Variants in NRDE2 observed in about 807,000 individuals in gnomAD.
NRDE2 encodes the protein NRDE-2, necessary for RNA interference, domain containing, also known as nuclear exosome regulator NRDE2.
In NRDE2, 76 loss-of-function variants were observed where a neutral mutation model predicts 124.2. That is an observed-to-expected ratio of 0.61 (90% CI 0.51 to 0.74). NRDE2 has a LOEUF of 0.74. Among genes scored for constraint, NRDE2 ranks in the 30% least tolerant of loss-of-function variants. The pLI, the probability that NRDE2 is intolerant of heterozygous loss-of-function variation, is 0.00. For missense variants in NRDE2, 1,314 were observed against 1,417.3 expected (o/e 0.93, Z 1.17); for synonymous variants, 489 against 528.1 (o/e 0.93, Z 1.01).
At chr14:90,300,903 G>A in intron 7 of NRDE2, among the ~76,000 whole-genome samples, 1 of 124,462 alleles carries the variant, frequency 8.0e-6, no homozygotes, top group Non-Finnish European at 1.7e-5. Context: ...AGGGGAAGGG[G>A]GCAGGGAAAG....
intron 2 of NRDE2, 102 bp downstream of exon 2, chr14:90,317,903 T>G: frequency 1.3e-6 from 1 of 755,110 alleles, no homozygotes; most frequent in Non-Finnish European, 2.2e-6. Context: ...GTAAGAGTTT[T>G]ACATACCTCT....
intron 7 of NRDE2, 89 bp from the exon 8 acceptor site, chr14:90,298,469 A>C (rs993667404): frequency 2.3e-6 from 3 of 1,283,532 alleles, no homozygotes; most frequent in African/African-American, 2.9e-5. Flanking sequence ...ATATAAGAGA[A>C]GCTTATGATC....
intron 7 of NRDE2, among the ~76,000 whole-genome samples, chr14:90,300,322 A>G (rs1261787400): frequency 1.3e-5 from 2 of 152,228 alleles, no homozygotes; most frequent in African/African-American, 4.8e-5. Context: ...TTTAACTGGT[A>G]TAATTCTTTA....
chr14:90,314,228 C>A (rs1002753790), intron 3 of NRDE2, among the ~76,000 whole-genome samples: 1 of 152,152 alleles, frequency 6.6e-6, no homozygotes, highest in South Asian at 2.1e-4. Flanking sequence ...TTGTCATCAC[C>A]CTGAAACAGA....
chr14:90,302,690 C>A, intron 6 of NRDE2, 30 bp downstream of exon 6: 1 of 1,527,410 alleles, frequency 6.5e-7, no homozygotes. Context: ...CTAACTCCTC[C>A]CACGTAACTG....
At chr14:90,302,104 G>A (rs992198619) in intron 6 of NRDE2, among the ~76,000 whole-genome samples, 3 of 152,190 alleles carry the variant, frequency 2.0e-5, no homozygotes, top group Admixed American at 1.3e-4. Context: ...GTCCTGTAAA[G>A]CAGGTTTATA....
chr14:90,302,584 A>G lies in NRDE2; in HGVS notation c.1411+136T>C. The G allele has an allele frequency of 6.0e-6, 6 of 1,005,156 alleles. No homozygotes were observed. In the South Asian group the frequency reaches 1.1e-4, roughly 19 times the overall value. The allele number at this position is 1,005,156 out of a possible 1,614,324, so 62.3% of individuals were successfully genotyped here. A position where few individuals can be genotyped will look rare whatever the true frequency, so the allele number is the denominator to read the frequency against. ...ATTTGTTATCAAAAAGAGTCGTAAT[A>G]CTTTTTTAAAAAAATCAGTTCTATC... On this transcript the variant is annotated intron_variant, in intron 6 of 13. Coordinates refer to ENST00000354366, the MANE Select transcript of NRDE2 (RefSeq NM_017970.4).
intron 4 of NRDE2, among the ~76,000 whole-genome samples, chr14:90,308,972 G>A (rs1000210662): frequency 1.3e-5 from 2 of 152,130 alleles, no homozygotes; most frequent in African/African-American, 4.8e-5. Context: ...GCCGGGCGTG[G>A]TGGCTCATGC....
At position 90,274,164 on chromosome 14, in the gene NRDE2, G is replaced by C. The variant is rs1430419940; in HGVS notation, c.*4172C>G. The C allele has an allele frequency of 2.6e-5, 4 of 155,266 alleles. No homozygotes were observed. The highest frequency in any genetic ancestry group is 7.2e-5 in the African/African-American group (3 of 41,488). 9.6% of individuals were successfully genotyped at this position (155,266 alleles called of 1,614,324 possible). ...GGGAGGGCGGGTGTCAGCCCAAGTA[G>C]GGTGTGGAGCTGTCCATGTGGAGGA... On this transcript the variant is annotated 3_prime_UTR_variant, in exon 14 of 14. Coordinates refer to ENST00000354366, the MANE Select transcript of NRDE2 (RefSeq NM_017970.4).
chr14:90,322,135 C>T (rs1484031084), intron 1 of NRDE2, among the ~76,000 whole-genome samples: 2 of 152,186 alleles, frequency 1.3e-5, no homozygotes, highest in Non-Finnish European at 2.9e-5. Context: ...AATTAGTACA[C>T]GGGGCTCTTA....
intron 12 of NRDE2, chr14:90,280,765 T>A (rs1414114850): frequency 6.6e-6 from 1 of 152,324 alleles, no homozygotes; most frequent in African/African-American, 2.4e-5. Flanking sequence ...TCCTTTCTCA[T>A]CTTCTGAACT....
chr14:90,323,128 A>T (rs1440560549), intron 1 of NRDE2, among the ~76,000 whole-genome samples: 1 of 152,234 alleles, frequency 6.6e-6, no homozygotes, highest in Non-Finnish European at 1.5e-5. Flanking sequence ...CCACTTTAGA[A>T]CTACCGCCTA....
intron 4 of NRDE2, among the ~76,000 whole-genome samples, chr14:90,307,474 C>A (rs1397482468): frequency 6.6e-6 from 1 of 152,126 alleles, no homozygotes; most frequent in Admixed American, 6.5e-5. Flanking sequence ...ATCTGTAATC[C>A]CAGCACTTTG....
At chr14:90,326,500 CAAAA>C (rs10684490) in intron 1 of NRDE2, among the ~76,000 whole-genome samples, 2 of 78,824 alleles carry the variant, frequency 2.5e-5, no homozygotes. Context: ...GACTCTGTCT[CAAAA>C]AAAAAAAAAA....
At position 90,268,158 on chromosome 14, in the gene NRDE2, C is replaced by T. The variant is rs371887140; in HGVS notation, c.*10178G>A. The stretch of plus-strand genomic sequence containing the variant: ...GTGTCCATTTAAGGTGGTAATGATA[C>T]GAGTTTTTAAGTTAAAATGGCACTT... On this transcript the variant is annotated 3_prime_UTR_variant, in exon 14 of 14. Transcript: ENST00000354366. The T allele has an allele frequency of 1.0e-4, 137 of 1,335,672 alleles. No homozygotes were observed. In the African/African-American group the frequency reaches 1.6e-3, roughly 15 times the overall value. The allele number at this position is 1,335,672 out of a possible 1,614,324, so 82.7% of individuals were successfully genotyped here.
At position 90,284,156 on chromosome 14, in the gene NRDE2, G is replaced by C. The variant is rs531853438; in HGVS notation, c.3297+2198C>G. Among the ~76,000 whole-genome samples, 3 of 152,246 alleles carry C rather than the reference G, an allele frequency of 2.0e-5. No homozygotes were observed. The South Asian group carries it at 6.2e-4, about 32-fold the overall frequency. On this transcript the variant is annotated intron_variant, in intron 12 of 13. Coordinates refer to ENST00000354366, the MANE Select transcript of NRDE2 (RefSeq NM_017970.4). ...CCTGGCTCCTTCCAGAGGTCAGAGAGACACACCCGATGAATTCTGGAATCA... is the reference window on the plus strand; with the variant it reads ...CCTGGCTCCTTCCAGAGGTCAGAGACACACACCCGATGAATTCTGGAATCA...
chr14:90,331,468 T>C (rs961444361), intron 1 of NRDE2, among the ~76,000 whole-genome samples: 4 of 152,256 alleles, frequency 2.6e-5, no homozygotes, highest in South Asian at 2.1e-4. Flanking sequence ...GGAAGTAATA[T>C]GTAATAAAAA....
In NRDE2 at chr14:90,276,659, T is replaced by C. The variant is rs1891811743; in HGVS notation, c.*1677A>G. 1 of 152,218 alleles carries C rather than the reference T, an allele frequency of 6.6e-6. No individual in the cohort carries two copies. Among genetic ancestry groups the C allele is most frequent in the Admixed American group, 6.5e-5 (1 of 15,282 alleles). 9.4% of individuals were successfully genotyped at this position (152,218 alleles called of 1,614,324 possible). On this transcript the variant is annotated 3_prime_UTR_variant, in exon 14 of 14. Coordinates refer to ENST00000354366, the MANE Select transcript of NRDE2 (RefSeq NM_017970.4). Reference sequence around the variant, plus strand: ...TCGCAATCTGTTCGAGCAGCCGCTTTATCCTCTCGGGGGCTCACTGCCCAC... The same window carrying C: ...TCGCAATCTGTTCGAGCAGCCGCTTCATCCTCTCGGGGGCTCACTGCCCAC...
At position 90,270,056 on chromosome 14, in the gene NRDE2, A is replaced by G; in HGVS notation, c.*8280T>C. On this transcript the variant is annotated 3_prime_UTR_variant, in exon 14 of 14. Transcript: ENST00000354366. ...CTACAAACTACAAAAATATATGTTT[A>G]CTTTTTAAAATTTAGACATCCTTCC... 1 of 828,546 alleles carries G rather than the reference A, an allele frequency of 1.2e-6. No homozygotes were observed. Among genetic ancestry groups the G allele is most frequent in the Admixed American group, 3.0e-5 (1 of 33,714 alleles). 51.3% of individuals were successfully genotyped at this position (828,546 alleles called of 1,614,324 possible). A position where few individuals can be genotyped will look rare whatever the true frequency, so the allele number is the denominator to read the frequency against.
Sources: allele counts gnomAD v4.1 joint callset (sites outside exome capture counted in the v4.1 genomes callset), GRCh38; gene constraint gnomAD v4.1.1; transcripts MANE v1.5; gene names NCBI Gene and HGNC (gene_info 2026-07-23, HGNC 2026-07-21).